Variants in AFG2A observed in about 807,000 individuals in gnomAD.
The protein encoded by AFG2A is ATPase family gene 2 protein homolog A.
chr4:123,089,535 C>A, the AFG2A span, among the ~76,000 whole-genome samples: 1 of 152,084 alleles, frequency 6.6e-6, no homozygotes, highest in South Asian at 2.1e-4. Flanking sequence ...CACATTTTGA[C>A]TGTGTGATAC....
chr4:123,049,885 C>G, the AFG2A span, among the ~76,000 whole-genome samples: 10 of 151,632 alleles, frequency 6.6e-5, no homozygotes, highest in African/African-American at 2.2e-4. Flanking sequence ...TTTTCTAGTT[C>G]CTTGAAGTAC....
At chr4:123,266,473 T>C in the AFG2A span, among the ~76,000 whole-genome samples, 9 of 151,946 alleles carry the variant, frequency 5.9e-5, no homozygotes, top group East Asian at 1.2e-3. Context: ...ATTTGCCTAA[T>C]TTTTTCACAT....
the AFG2A span, among the ~76,000 whole-genome samples, chr4:123,023,113 C>T: frequency 6.6e-6 from 1 of 151,204 alleles, no homozygotes; most frequent in Non-Finnish European, 1.5e-5. Flanking sequence ...TGCAGCACAC[C>T]AGCATGGCAC....
the AFG2A span, among the ~76,000 whole-genome samples, chr4:122,944,379 A>G: frequency 2.0e-4 from 30 of 151,960 alleles, no homozygotes; most frequent in African/African-American, 6.8e-4. Flanking sequence ...GCTTCATTTC[A>G]TTCATGTCAT....
At chr4:123,031,399 C>T in the AFG2A span, among the ~76,000 whole-genome samples, 2,278 of 152,192 alleles carry the variant, frequency 0.015, 60 homozygotes, top group South Asian at 0.11. Flanking sequence ...GCAATTTGCC[C>T]GCCTCACCCT....
At chr4:123,094,738 G>A in the AFG2A span, among the ~76,000 whole-genome samples, 2 of 151,914 alleles carry the variant, frequency 1.3e-5, no homozygotes, top group Non-Finnish European at 2.9e-5. Context: ...TGGTAAGTTA[G>A]CAAATTAATA....
the AFG2A span, among the ~76,000 whole-genome samples, chr4:122,935,137 T>G: frequency 6.6e-6 from 1 of 152,224 alleles, no homozygotes; most frequent in Non-Finnish European, 1.5e-5. Context: ...CGGGAATGGC[T>G]TGACTCAGGA....
At chr4:123,112,691 A>C in the AFG2A span, among the ~76,000 whole-genome samples, 1 of 152,266 alleles carries the variant, frequency 6.6e-6, no homozygotes, top group Non-Finnish European at 1.5e-5. Context: ...TCTGATTCCC[A>C]TTAGCATTGA....
At chr4:122,984,234 A>G in the AFG2A span, among the ~76,000 whole-genome samples, 1 of 152,018 alleles carries the variant, frequency 6.6e-6, no homozygotes. Flanking sequence ...GGGTTGAGTT[A>G]TTGATTTGAT....
the AFG2A span, among the ~76,000 whole-genome samples, chr4:123,175,987 A>G: frequency 5.3e-5 from 8 of 152,160 alleles, no homozygotes; most frequent in Non-Finnish European, 2.9e-5. Context: ...CTGAGCTTGT[A>G]TGAGATGATA....
chr4:123,125,658 A>G, the AFG2A span, among the ~76,000 whole-genome samples: 18 of 152,082 alleles, frequency 1.2e-4, no homozygotes, highest in Non-Finnish European at 1.5e-4. Flanking sequence ...CCTGTACCCT[A>G]TTAGCTTTGA....
At chr4:123,304,041 G>A in the AFG2A span, among the ~76,000 whole-genome samples, 25 of 151,942 alleles carry the variant, frequency 1.6e-4, no homozygotes, top group Admixed American at 1.2e-3. Context: ...TCTACTCACC[G>A]CTTAAATGGT....
chr4:123,118,331 T>TTATATTATATATAAC, the AFG2A span, among the ~76,000 whole-genome samples: 2 of 11,964 alleles, frequency 1.7e-4, no homozygotes, highest in South Asian at 4.5e-3. Flanking sequence ...TTATATATAA[T>TTATATTATATATAAC]ATATATATTA....
chr4:123,009,787 A>G, the AFG2A span, among the ~76,000 whole-genome samples: 1 of 152,320 alleles, frequency 6.6e-6, no homozygotes, highest in East Asian at 1.9e-4. Context: ...TCCAATTTTC[A>G]TCACAGTCTA....
At chr4:123,158,271 C>T in the AFG2A span, among the ~76,000 whole-genome samples, 1 of 152,182 alleles carries the variant, frequency 6.6e-6, no homozygotes, top group African/African-American at 2.4e-5. Flanking sequence ...TCAAGTTGTG[C>T]TCTATTTCTT....
the AFG2A span, among the ~76,000 whole-genome samples, chr4:123,242,389 A>G: frequency 8.1e-3 from 1,227 of 152,328 alleles, 7 homozygotes; most frequent in Non-Finnish European, 0.012. Context: ...CCAAAACAGT[A>G]TGGTACTGGT....
the AFG2A span, among the ~76,000 whole-genome samples, chr4:123,111,732 CTTA>C: frequency 0.027 from 3,996 of 149,804 alleles, 164 homozygotes; most frequent in African/African-American, 0.088. Flanking sequence ...TCTTCTTCTT[CTTA>C]TTATTATTAT....
chr4:123,017,495 A>G, the AFG2A span, among the ~76,000 whole-genome samples: 1 of 122,606 alleles, frequency 8.2e-6, no homozygotes, highest in African/African-American at 3.2e-5. Context: ...TTTCATTTAG[A>G]TCTAAGAACA....
At chr4:122,929,806 C>T in the AFG2A span, among the ~76,000 whole-genome samples, 1 of 152,000 alleles carries the variant, frequency 6.6e-6, no homozygotes, top group Non-Finnish European at 1.5e-5. Context: ...TTTGGACTAG[C>T]CCCATTTTAA....
Sources: allele counts gnomAD v4.1 joint callset (sites outside exome capture counted in the v4.1 genomes callset), GRCh38; gene constraint gnomAD v4.1.1; transcripts MANE v1.5; gene names NCBI Gene and HGNC (gene_info 2026-07-23, HGNC 2026-07-21).